JMJD1C: variants seen among roughly 807,000 people sequenced by gnomAD.
JMJD1C encodes the protein jumonji domain-containing protein 1C.
JMJD1C carries 31 observed loss-of-function variants against 245.3 expected under a neutral mutation model. The ratio of observed to expected loss-of-function variants is 0.13; its 90% confidence interval spans 0.09 to 0.17. JMJD1C has a LOEUF of 0.17. Among genes scored for constraint, JMJD1C ranks in the 10% least tolerant of loss-of-function variants. The pLI is 1.00. For synonymous variants in JMJD1C, 1,057 were observed against 1,017.4 expected (o/e 1.04, Z -0.74); for missense variants, 2,691 against 3,000.2 (o/e 0.90, Z 2.41).
intron 13 of JMJD1C, among the ~76,000 whole-genome samples, chr10:63,195,354 A>C (rs1845339952): frequency 1.9e-5 from 1 of 53,730 alleles, no homozygotes; most frequent in African/African-American, 4.2e-5. Context: ...ACACCATCTC[A>C]AAAAAAAAAA....
chr10:63,402,993 T>C (rs1948956521), intron 1 of JMJD1C, among the ~76,000 whole-genome samples: 1 of 152,184 alleles, frequency 6.6e-6, no homozygotes, highest in Non-Finnish European at 1.5e-5. Flanking sequence ...TCCTAAAACA[T>C]ACCAAGCTCA....
Position 63,191,073 on chromosome 10 carries a change from C to G in JMJD1C, c.6112G>C (p.Glu2038Gln), listed in dbSNP as rs201787760. ...TCAGAGTTGTCTTGTTCTCTTTCTT[C>G]TTTAATTTGGTTTTCAAGGGTAAGT... ...KELTLENQIK[E>Q]EREQDNSESP... is the part of the protein sequence containing the mutation. The change falls in exon 17 of 26, where the codon GAA (glutamate) becomes CAA (glutamine). Residue 2038 changes from glutamate to glutamine, a missense_variant. Glu to Gln is a conservative substitution (Grantham distance 29). This residue lies in a region of JMJD1C where 275 missense variants were observed against 285.5 expected (regional missense o/e 0.96). Transcript: ENST00000399262. 1,069 of 1,613,884 alleles carry G rather than the reference C, an allele frequency of 6.6e-4. 2 individuals are homozygous for G. Among genetic ancestry groups the G allele is most frequent in the Middle Eastern group, 9.9e-4 (6 of 6,062 alleles).
At chr10:63,280,277 C>A (rs192449162) in intron 2 of JMJD1C, among the ~76,000 whole-genome samples, 1 of 152,044 alleles carries the variant, frequency 6.6e-6, no homozygotes, top group Non-Finnish European at 1.5e-5. Context: ...AGGCCACACG[C>A]GGTTGCTCAC....
intron 3 of JMJD1C, among the ~76,000 whole-genome samples, chr10:63,236,191 A>T (rs1850708108): frequency 6.6e-6 from 1 of 152,194 alleles, no homozygotes; most frequent in Admixed American, 6.5e-5. Context: ...AATTAAAAAT[A>T]ACTACTAATA....
At chr10:63,335,492 C>G (rs1379453158) in intron 2 of JMJD1C, among the ~76,000 whole-genome samples, 1 of 152,106 alleles carries the variant, frequency 6.6e-6, no homozygotes, top group African/African-American at 2.4e-5. Context: ...CTGCAATGTG[C>G]AATCTGAACC....
chr10:63,245,942 T>C (rs1202813135), intron 3 of JMJD1C, among the ~76,000 whole-genome samples: 1 of 151,950 alleles, frequency 6.6e-6, no homozygotes, highest in African/African-American at 2.4e-5. Flanking sequence ...TGGGGACACA[T>C]GCAAACATAT....
At chr10:63,418,798 G>A (rs1949943144) in intron 1 of JMJD1C, among the ~76,000 whole-genome samples, 1 of 152,086 alleles carries the variant, frequency 6.6e-6, no homozygotes, top group South Asian at 2.1e-4. Flanking sequence ...CTAGATAAGG[G>A]GCCTGGCATG....
intron 2 of JMJD1C, among the ~76,000 whole-genome samples, chr10:63,288,427 G>C (rs1554874003): frequency 6.6e-6 from 1 of 152,088 alleles, no homozygotes; most frequent in Non-Finnish European, 1.5e-5. Context: ...CCAAGTTTTA[G>C]CAATTATGAA....
chr10:63,374,198 A>C (rs1946538673), intron 2 of JMJD1C, among the ~76,000 whole-genome samples: 1 of 152,150 alleles, frequency 6.6e-6, no homozygotes, highest in African/African-American at 2.4e-5. Flanking sequence ...AATATAAAAA[A>C]CTCAAAACCC....
At chr10:63,445,003 G>A (rs1487439259) in intron 1 of JMJD1C, among the ~76,000 whole-genome samples, 3 of 152,080 alleles carry the variant, frequency 2.0e-5, no homozygotes, top group African/African-American at 7.2e-5. Flanking sequence ...GAGGTGAAAG[G>A]ATCGCTTGAG....
chr10:63,516,900 C>A (rs1322118313), intron 1 of JMJD1C, among the ~76,000 whole-genome samples: 1 of 152,158 alleles, frequency 6.6e-6, no homozygotes, highest in Non-Finnish European at 1.5e-5. Context: ...TGAAGCCAAA[C>A]TGAACCTCTG....
At chr10:63,348,205 CAAAA>C (rs35674300) in intron 2 of JMJD1C, among the ~76,000 whole-genome samples, 25 of 129,936 alleles carry the variant, frequency 1.9e-4, no homozygotes, top group Admixed American at 3.2e-4. Flanking sequence ...GACTTCATCT[CAAAA>C]AAAAAAAAAA....
At chr10:63,356,028 T>A (rs7083356) in intron 2 of JMJD1C, among the ~76,000 whole-genome samples, 101,667 of 152,036 alleles carry the variant, frequency 0.67, 36,465 homozygotes, top group Non-Finnish European at 0.81. Flanking sequence ...TAGTCCAATG[T>A]GAGGAAAAAT....
At chr10:63,451,443 T>A (rs1952062626) in intron 1 of JMJD1C, among the ~76,000 whole-genome samples, 1 of 152,196 alleles carries the variant, frequency 6.6e-6, no homozygotes, top group Non-Finnish European at 1.5e-5. Flanking sequence ...GTCGGTCCTC[T>A]GTACTGCATT....
At chr10:63,400,264 C>T (rs984506516) in intron 1 of JMJD1C, among the ~76,000 whole-genome samples, 1 of 152,134 alleles carries the variant, frequency 6.6e-6, no homozygotes, top group Non-Finnish European at 1.5e-5. Context: ...ATCTTTAAGG[C>T]ATACTCCTAA....
chr10:63,336,943 C>T (rs1442755757), intron 2 of JMJD1C, among the ~76,000 whole-genome samples: 1 of 152,010 alleles, frequency 6.6e-6, no homozygotes, highest in South Asian at 2.1e-4. Flanking sequence ...TGTGTTCAAG[C>T]GATTCTCCTG....
chr10:63,409,550 C>A (rs1399758417), intron 1 of JMJD1C, among the ~76,000 whole-genome samples: 1 of 152,030 alleles, frequency 6.6e-6, no homozygotes, highest in Non-Finnish European at 1.5e-5. Context: ...GAAGGAAAAA[C>A]AGAGTAAAGG....
At chr10:63,193,629 T>A (rs1222964093) in intron 14 of JMJD1C, 157 bp from the exon 15 acceptor site, 1 of 518,776 alleles carries the variant, frequency 1.9e-6, no homozygotes, top group Admixed American at 3.8e-5. Context: ...TTCCATCTAT[T>A]ACAGTTTTGA....
intron 2 of JMJD1C, among the ~76,000 whole-genome samples, chr10:63,337,597 AG>A (rs1224110910): frequency 1.8e-5 from 2 of 113,884 alleles, no homozygotes; most frequent in East Asian, 4.1e-4. Flanking sequence ...AGAAAAGAAA[AG>A]AAAAGAAAAG....
Sources: gnomAD v4.1 joint callset for allele counts (sites outside exome capture counted in the v4.1 genomes callset) on GRCh38, gnomAD v4.1.1 for gene constraint, gnomAD v4.1.1 regional missense constraint, MANE v1.5 for transcripts, NCBI Gene and HGNC (gene_info 2026-07-23, HGNC 2026-07-21) for gene names.